The following ADD3 variants were observed in gnomAD, a reference collection of about 807,000 sequenced individuals.
The protein encoded by ADD3 is adducin 3.
A neutral mutation model predicts 80.2 loss-of-function variants in ADD3; 25 were observed. That is an observed-to-expected ratio of 0.31 (90% CI 0.23 to 0.44). The LOEUF (loss-of-function observed/expected upper bound fraction) is 0.44, where lower values mean the gene tolerates loss of function less well. ADD3 is among the 20% of genes least tolerant of loss of function. The probability of loss-of-function intolerance (pLI) is 1.00; values close to 1 mark genes in which losing one functional copy is unlikely to be tolerated. For synonymous variants in ADD3, 284 were observed against 289.6 expected (o/e 0.98, Z 0.20); for missense variants, 829 against 847.5 (o/e 0.98, Z 0.27).
chr10:110,011,668 G>A (rs944317287), intron 1 of ADD3, among the ~76,000 whole-genome samples: 1 of 152,132 alleles, frequency 6.6e-6, no homozygotes, highest in Non-Finnish European at 1.5e-5. Flanking sequence ...CTAATCGAGT[G>A]CTATTCTTCC....
chr10:110,007,330 C>A (rs530308776), upstream of ADD3, among the ~76,000 whole-genome samples: 84 of 152,304 alleles, frequency 5.5e-4, no homozygotes, highest in Non-Finnish European at 1.1e-3. Context: ...GGGGACTAGG[C>A]GCCCGCGAAG....
chr10:110,096,443 G>C (rs1564969985), intron 1 of ADD3, among the ~76,000 whole-genome samples: 1 of 152,134 alleles, frequency 6.6e-6, no homozygotes, highest in Non-Finnish European at 1.5e-5. Flanking sequence ...TTTCACTTTA[G>C]TTATCTGTTG....
intron 2 of ADD3, among the ~76,000 whole-genome samples, chr10:110,102,065 A>G (rs1165232962): frequency 2.0e-5 from 3 of 152,232 alleles, no homozygotes; most frequent in Non-Finnish European, 4.4e-5. Context: ...GGCCTCGGTG[A>G]AAGCATTGAA....
At chr10:110,100,969 T>TTGC in intron 2 of ADD3, 121 bp downstream of exon 2, 1 of 809,966 alleles carries the variant, frequency 1.2e-6, no homozygotes, top group Non-Finnish European at 1.8e-6. Flanking sequence ...TGGTGACCAG[T>TTGC]TGCTTCCAGT....
chr10:110,107,823 G>C (rs1849565516), intron 2 of ADD3, among the ~76,000 whole-genome samples: 1 of 152,126 alleles, frequency 6.6e-6, no homozygotes, highest in South Asian at 2.1e-4. Context: ...TATATTTATT[G>C]CTAATTTGAA....
chr10:110,070,864 A>T (rs1844591674), intron 1 of ADD3, among the ~76,000 whole-genome samples: 1 of 151,646 alleles, frequency 6.6e-6, no homozygotes, highest in Non-Finnish European at 1.5e-5. Flanking sequence ...GGCTCTTGTC[A>T]TATACAGGCA....
intron 1 of ADD3, among the ~76,000 whole-genome samples, chr10:110,090,939 A>C (rs780224016): frequency 6.6e-5 from 10 of 152,156 alleles, no homozygotes; most frequent in Non-Finnish European, 1.5e-4. Flanking sequence ...CCTGGACTTT[A>C]TATTGAGGTT....
intron 1 of ADD3, among the ~76,000 whole-genome samples, chr10:110,040,950 CTCTG>C (rs1259321895): frequency 4.5e-5 from 1 of 22,340 alleles, no homozygotes; most frequent in Non-Finnish European, 2.8e-4. Context: ...CTCTCGCTCT[CTCTG>C]TCTCTCTCTG....
chr10:110,034,076 T>C (rs1037142979), intron 1 of ADD3, among the ~76,000 whole-genome samples: 1 of 152,152 alleles, frequency 6.6e-6, no homozygotes, highest in Admixed American at 6.5e-5. Flanking sequence ...CAGAAATCAG[T>C]CTCTAGTTCC....
At chr10:110,114,668 T>C (rs1461861803) in intron 3 of ADD3, among the ~76,000 whole-genome samples, 2 of 152,142 alleles carry the variant, frequency 1.3e-5, no homozygotes, top group Non-Finnish European at 2.9e-5. Context: ...AATGGTAATA[T>C]CAATATTAGA....
In ADD3 at chr10:110,134,690, T is replaced by C. The variant is rs748607912; in HGVS notation, c.*1072T>C. On this transcript the variant is annotated 3_prime_UTR_variant, in exon 15 of 15. Coordinates refer to ENST00000356080, the MANE Select transcript of ADD3 (RefSeq NM_016824.5). ...ATTCTAGTTTGATGGTGACTCATAT[T>C]CACGATAGGATACAAAGTGTGATTT... 2.0e-5 allele frequency: 3 copies of C among 152,642 alleles called. No homozygotes were observed. Among genetic ancestry groups the C allele is most frequent in the Non-Finnish European group, 4.4e-5 (3 of 68,036 alleles). 9.5% of individuals were successfully genotyped at this position (152,642 alleles called of 1,614,324 possible). A position where few individuals can be genotyped will look rare whatever the true frequency, so the allele number is the denominator to read the frequency against.
intron 1 of ADD3, among the ~76,000 whole-genome samples, chr10:110,091,856 G>C (rs185616868): frequency 2.2e-4 from 34 of 152,256 alleles, no homozygotes; most frequent in African/African-American, 7.5e-4. Flanking sequence ...ATCCAACAAA[G>C]GTGTAATATC....
In ADD3 at chr10:110,055,012, C is replaced by G. The variant is rs528120253; in HGVS notation, c.-29-45613C>G. Among the ~76,000 whole-genome samples, 24 of 152,204 alleles carry G rather than the reference C, an allele frequency of 1.6e-4. No homozygotes were observed. The East Asian group carries it at 4.6e-3, about 29-fold the overall frequency. ...TCCTGACCTCGTGATCCGCCTTCCT[C>G]TGCCTCCCAAAGTGCTGGAATTACA... On this transcript the variant is annotated intron_variant, in intron 1 of 14. Coordinates refer to ENST00000356080, the MANE Select transcript of ADD3 (RefSeq NM_016824.5).
intron 10 of ADD3, among the ~76,000 whole-genome samples, chr10:110,125,575 A>G (rs940867180): frequency 3.3e-5 from 5 of 152,194 alleles, no homozygotes; most frequent in African/African-American, 2.4e-5. Context: ...ACTTGACACA[A>G]GGAGAAAGTT....
intron 1 of ADD3, chr10:110,077,088 C>T (rs1845457195): frequency 6.6e-6 from 1 of 152,194 alleles, no homozygotes; most frequent in Admixed American, 6.5e-5. Context: ...CAAAAACCAG[C>T]TTAAGAAATG....
chr10:110,114,020 G>A (rs1188707181), intron 3 of ADD3, among the ~76,000 whole-genome samples: 3 of 152,214 alleles, frequency 2.0e-5, no homozygotes, highest in Admixed American at 6.5e-5. Context: ...AGACTAGTCA[G>A]GGAAAACAGA....
chr10:110,112,058 C>T (rs1029365143), intron 2 of ADD3: 3 of 152,130 alleles, frequency 2.0e-5, no homozygotes, highest in South Asian at 2.1e-4. Context: ...TAGTATGTCT[C>T]AGTGAAAACT....
At chr10:110,119,691 T>C (rs1851210327) in intron 8 of ADD3, 127 bp downstream of exon 8, 3 of 738,846 alleles carry the variant, frequency 4.1e-6, no homozygotes, top group South Asian at 3.7e-5. Flanking sequence ...TCTGCTCTAC[T>C]TATGTAGGCA....
chr10:110,025,230 C>A (rs370024990), intron 1 of ADD3, among the ~76,000 whole-genome samples: 5 of 152,028 alleles, frequency 3.3e-5, no homozygotes, highest in African/African-American at 7.2e-5. Flanking sequence ...TCCTAGCGTC[C>A]GTTCCACTAA....
Sources: allele counts gnomAD v4.1 joint callset (sites outside exome capture counted in the v4.1 genomes callset), GRCh38; gene constraint gnomAD v4.1.1; transcripts MANE v1.5; gene names NCBI Gene and HGNC (gene_info 2026-07-23, HGNC 2026-07-21).